Variants in PRDM6 observed in about 807,000 individuals in gnomAD.
PRDM6 encodes PR/SET domain 6.
A neutral mutation model predicts 60.8 loss-of-function variants in PRDM6; 25 were observed. The observed-to-expected ratio is 0.41, with a 90% CI of 0.30 to 0.57. The LOEUF (loss-of-function observed/expected upper bound fraction) is 0.57, where lower values mean the gene tolerates loss of function less well. PRDM6 is among the 20% of genes least tolerant of loss of function. The probability of loss-of-function intolerance (pLI) is 0.27; values close to 1 mark genes in which losing one functional copy is unlikely to be tolerated. For missense variants in PRDM6, 839 were observed against 821.3 expected (o/e 1.02, Z -0.26); for synonymous variants, 407 against 357.4 (o/e 1.14, Z -1.57).
At chr5:123,151,675 C>T (rs1381468727) in intron 3 of PRDM6, among the ~76,000 whole-genome samples, 1 of 152,102 alleles carries the variant, frequency 6.6e-6, no homozygotes, top group Non-Finnish European at 1.5e-5. Context: ...AGCCACAGTG[C>T]TCGGCATTCT....
chr5:123,098,987 G>A (rs1764029377), intron 2 of PRDM6, among the ~76,000 whole-genome samples: 1 of 152,016 alleles, frequency 6.6e-6, no homozygotes, highest in Non-Finnish European at 1.5e-5. Flanking sequence ...GTGGCGTTTG[G>A]GAGGCAGTCG....
At chr5:123,168,660 T>A (rs1178770479) in intron 5 of PRDM6, among the ~76,000 whole-genome samples, 1 of 152,244 alleles carries the variant, frequency 6.6e-6, no homozygotes, top group Non-Finnish European at 1.5e-5. Flanking sequence ...GTGAGTCTAA[T>A]GTGCAGTACC....
chr5:123,129,767 ATG>A (rs901134448), intron 3 of PRDM6, among the ~76,000 whole-genome samples: 2 of 152,190 alleles, frequency 1.3e-5, no homozygotes, highest in African/African-American at 2.4e-5. Context: ...TCATATCATC[ATG>A]TGTCTATAAA....
At chr5:123,147,408 A>G (rs1765270294) in intron 3 of PRDM6, among the ~76,000 whole-genome samples, 1 of 152,154 alleles carries the variant, frequency 6.6e-6, no homozygotes, top group Non-Finnish European at 1.5e-5. Flanking sequence ...TTGTGTGGAC[A>G]CTGGAGACAG....
At position 123,188,877 on chromosome 5, in the gene PRDM6, G is replaced by A. The variant is rs758491369; in HGVS notation, c.*1676G>A. The A allele has an allele frequency of 3.9e-5, 6 of 152,078 alleles. No individual in the cohort carries two copies. The highest frequency in any genetic ancestry group is 1.4e-4 in the African/African-American group (6 of 41,460). 9.4% of individuals were successfully genotyped at this position (152,078 alleles called of 1,614,324 possible). On this transcript the variant is annotated 3_prime_UTR_variant, in exon 8 of 8. Transcript: ENST00000407847. ...CACATTTTAAATGGAATTCAACAGG[G>A]TCTAATTAATAAGTGTTTACAGTTA...
In PRDM6 at chr5:123,180,217, C is replaced by G; in HGVS notation, c.1567C>G (p.His523Asp). 6.4e-7 allele frequency: 1 copy of G among 1,552,036 alleles called. No individual in the cohort carries two copies. The highest frequency in any genetic ancestry group is 8.7e-7 in the Non-Finnish European group (1 of 1,146,998). The stretch of plus-strand genomic sequence containing the variant: ...AGAACTGAGGAACCACGTGGTCACT[C>G]ACTCTAGTGACCGGCCTTTCAAGTG... Reference protein sequence around the residue: ...PSELRNHVVTHSSDRPFKCGY... With the variant: ...PSELRNHVVTDSSDRPFKCGY... Residue 523 changes from histidine to aspartate, a missense_variant, in exon 7 of 8, where the codon CAC (histidine) becomes GAC (aspartate). By Grantham distance (81) the His-to-Asp change is moderately conservative. Coordinates refer to ENST00000407847, the MANE Select transcript of PRDM6 (RefSeq NM_001136239.4).
chr5:123,099,101 T>C lies in PRDM6; in HGVS notation c.593-553T>C, dbSNP rs1764031998. Among the ~76,000 whole-genome samples the C allele has an allele frequency of 6.6e-6, 1 of 152,196 alleles. No individual in the cohort carries two copies. Among genetic ancestry groups the C allele is most frequent in the African/African-American group, 2.4e-5 (1 of 41,430 alleles). On this transcript the variant is annotated intron_variant, in intron 2 of 7. Coordinates refer to ENST00000407847, the MANE Select transcript of PRDM6 (RefSeq NM_001136239.4). The surrounding 1 kb of genome is among the most constrained non-coding windows in gnomAD (Gnocchi z 4.0). ...CGTCTGGTGATTTTAAATCGTCTCCTGTGTAATTGTAAAAAGAGGAAAGCT... is the reference window on the plus strand; with the variant it reads ...CGTCTGGTGATTTTAAATCGTCTCCCGTGTAATTGTAAAAAGAGGAAAGCT...
chr5:123,100,221 CAG>C (rs1340234933), intron 3 of PRDM6, among the ~76,000 whole-genome samples: 1 of 152,340 alleles, frequency 6.6e-6, no homozygotes, highest in Non-Finnish European at 1.5e-5. Flanking sequence ...TGTCTGAAGA[CAG>C]AGTCACCTTA....
intron 5 of PRDM6, among the ~76,000 whole-genome samples, chr5:123,161,078 C>T (rs1000855774): frequency 2.6e-5 from 4 of 152,228 alleles, no homozygotes; most frequent in East Asian, 3.8e-4. Flanking sequence ...CTTGATGTAA[C>T]CATCTAGAGT....
At chr5:123,168,446 T>C (rs1765809960) in intron 5 of PRDM6, among the ~76,000 whole-genome samples, 1 of 152,184 alleles carries the variant, frequency 6.6e-6, no homozygotes, top group Admixed American at 6.5e-5. Context: ...CACCTAGATA[T>C]GTTCTTAAGT....
intron 5 of PRDM6, among the ~76,000 whole-genome samples, chr5:123,168,029 A>G (rs1010297736): frequency 1.3e-5 from 2 of 152,100 alleles, no homozygotes; most frequent in African/African-American, 4.8e-5. Context: ...TGCTGTTTTT[A>G]TGTTTTATTT....
At chr5:123,146,994 T>C (rs1201349103) in intron 3 of PRDM6, among the ~76,000 whole-genome samples, 1 of 152,212 alleles carries the variant, frequency 6.6e-6, no homozygotes, top group Admixed American at 6.5e-5. Flanking sequence ...AAATGTTTAC[T>C]CAAGCTTTCA....
At chr5:123,153,137 A>G (rs1019072277) in intron 3 of PRDM6, among the ~76,000 whole-genome samples, 6 of 151,946 alleles carry the variant, frequency 3.9e-5, no homozygotes, top group Non-Finnish European at 7.4e-5. Flanking sequence ...AGGATAACAG[A>G]TAGTTTTTAA....
At chr5:123,116,074 A>G (rs13188574) in intron 3 of PRDM6, among the ~76,000 whole-genome samples, 1,837 of 152,242 alleles carry the variant, frequency 0.012, 18 homozygotes, top group Middle Eastern at 0.054. Flanking sequence ...TGCCCTCTCA[A>G]ATGCAGGGAG....
At chr5:123,157,755 C>T (rs1319386855) in intron 4 of PRDM6, among the ~76,000 whole-genome samples, 1 of 152,176 alleles carries the variant, frequency 6.6e-6, no homozygotes, top group Non-Finnish European at 1.5e-5. Context: ...GGTTTAAATT[C>T]ATTCTGTTAT....
chr5:123,167,898 T>G (rs886373379), intron 5 of PRDM6, among the ~76,000 whole-genome samples: 17 of 152,210 alleles, frequency 1.1e-4, no homozygotes, highest in Non-Finnish European at 2.2e-4. Flanking sequence ...AGTTTGAAAT[T>G]GCCTGGCCTG....
Position 123,090,587 on chromosome 5 carries a change from C to T in PRDM6, c.573C>T (p.His191=), listed in dbSNP as rs1168581275. 8.5e-6 allele frequency: 13 copies of T among 1,524,440 alleles called. No individual in the cohort carries two copies. Among genetic ancestry groups the T allele is most frequent in the Non-Finnish European group, 1.0e-5 (12 of 1,143,218 alleles). 94.4% of individuals were successfully genotyped at this position (1,524,440 alleles called of 1,614,324 possible). A position where few individuals can be genotyped will look rare whatever the true frequency, so the allele number is the denominator to read the frequency against. The change falls in exon 2 of 8, where the codon CAC becomes CAT. Residue 191 remains histidine, a synonymous_variant. Transcript: ENST00000407847. ...TGGAGATCATCCCGCTCAACCAGCA[C>T]ACCAGCGACCCCAACAACCGTACGT... ...QRMEIIPLNQ[H]TSDPNNRCDM... is the part of the protein sequence containing the mutation.
intron 6 of PRDM6, among the ~76,000 whole-genome samples, chr5:123,177,725 G>T (rs1255867043): frequency 6.6e-6 from 1 of 152,158 alleles, no homozygotes; most frequent in Non-Finnish European, 1.5e-5. Context: ...GTATTGTACA[G>T]ATTTCCTGGG....
chr5:123,123,282 A>G (rs1764621846), intron 3 of PRDM6, among the ~76,000 whole-genome samples: 1 of 152,216 alleles, frequency 6.6e-6, no homozygotes, highest in Non-Finnish European at 1.5e-5. Flanking sequence ...CAGGCACATC[A>G]CACCTAAGGA....
Sources: allele counts gnomAD v4.1 joint callset (sites outside exome capture counted in the v4.1 genomes callset), GRCh38; gene constraint gnomAD v4.1.1; non-coding constraint Gnocchi (gnomAD v3.1); transcripts MANE v1.5; gene names NCBI Gene and HGNC (gene_info 2026-07-23, HGNC 2026-07-21).